Variants in ADGRB3 observed in about 807,000 individuals in gnomAD.
ADGRB3 encodes brain-specific angiogenesis inhibitor 3.
Under a neutral mutation model 193.4 loss-of-function variants are expected in ADGRB3, and 37 were observed. The ratio of observed to expected loss-of-function variants is 0.19; its 90% CI spans 0.15 to 0.25. ADGRB3 has a LOEUF of 0.25. Ranked by LOEUF, ADGRB3 falls within the 10% of genes least tolerant of loss-of-function variation. The probability of loss-of-function intolerance (pLI) is 1.00; values close to 1 mark genes in which losing one functional copy is unlikely to be tolerated. For missense variants in ADGRB3, 1,637 were observed against 1,852.9 expected, an observed-to-expected ratio of 0.88 and a Z score of 2.14; for synonymous variants, 690 against 644.2, an observed-to-expected ratio of 1.07 and a Z score of -1.08.
At chr6:69,140,882 C>T (rs1774317625) in intron 17 of ADGRB3, among the ~76,000 whole-genome samples, 2 of 152,024 alleles carry the variant, frequency 1.3e-5, no homozygotes, top group Admixed American at 1.3e-4. Flanking sequence ...CATTCATTTA[C>T]TCACTCAACA....
At chr6:69,143,356 G>A (rs905607693) in intron 17 of ADGRB3, among the ~76,000 whole-genome samples, 1 of 151,918 alleles carries the variant, frequency 6.6e-6, no homozygotes, top group African/African-American at 2.4e-5. Context: ...TTTACTAGTT[G>A]TTTACTTTGC....
intron 20 of ADGRB3, among the ~76,000 whole-genome samples, chr6:69,303,474 C>A (rs1767994638): frequency 6.6e-6 from 1 of 151,892 alleles, no homozygotes; most frequent in East Asian, 2.0e-4. Context: ...AGGATGAAGA[C>A]CTTTATGATG....
At chr6:68,840,531 G>A (rs73458284) in intron 3 of ADGRB3, among the ~76,000 whole-genome samples, 42,725 of 151,130 alleles carry the variant, frequency 0.28, 6,895 homozygotes, top group Middle Eastern at 0.51. Flanking sequence ...CAAGTAGCTC[G>A]GACAGCCTGC....
chr6:68,704,267 T>C (rs1765289712), intron 3 of ADGRB3, among the ~76,000 whole-genome samples: 1 of 152,188 alleles, frequency 6.6e-6, no homozygotes, highest in Non-Finnish European at 1.5e-5. Context: ...CTTTGTTGTT[T>C]TAACAGTTTT....
rs572651453 is a variant in ADGRB3 at position 68,955,309 on chromosome 6, A to G, written c.1196-715A>G. On this transcript the variant is annotated intron_variant, in intron 6 of 31. Coordinates refer to ENST00000370598, the MANE Select transcript of ADGRB3 (RefSeq NM_001704.3). ...TGAAACTATCCTTTGCAACACTGCC[A>G]TGTAATTGATTTATCTAGCATGTAA... Among the ~76,000 whole-genome samples the G allele has an allele frequency of 9.8e-4, 150 of 152,344 alleles. 2 individuals are homozygous for G. The highest frequency in any genetic ancestry group is 3.4e-3 in the African/African-American group (143 of 41,594).
chr6:69,216,184 T>G (rs778745256), intron 17 of ADGRB3, among the ~76,000 whole-genome samples: 30 of 152,160 alleles, frequency 2.0e-4, no homozygotes, highest in African/African-American at 7.2e-4. Flanking sequence ...GTTAAGTGGA[T>G]GGATGGATGA....
At chr6:68,985,424 TGTTA>T (rs1454937013) in intron 10 of ADGRB3, among the ~76,000 whole-genome samples, 14 of 152,296 alleles carry the variant, frequency 9.2e-5, no homozygotes, top group Admixed American at 6.5e-5. Context: ...GTAAAATGAC[TGTTA>T]GTTAGCATCA....
intron 3 of ADGRB3, among the ~76,000 whole-genome samples, chr6:68,643,717 A>AGCG (rs1226845720): frequency 6.6e-6 from 1 of 151,754 alleles, no homozygotes; most frequent in Non-Finnish European, 1.5e-5. Context: ...GTGGACCATG[A>AGCG]GGTCAGGACT....
intron 8 of ADGRB3, among the ~76,000 whole-genome samples, chr6:68,971,254 CTATT>C (rs1768559841): frequency 6.6e-6 from 1 of 152,118 alleles, no homozygotes; most frequent in African/African-American, 2.4e-5. Flanking sequence ...AGTATAGCAA[CTATT>C]TATATAGCAT....
At chr6:68,888,614 A>G (rs1036042812) in intron 3 of ADGRB3, among the ~76,000 whole-genome samples, 5 of 151,982 alleles carry the variant, frequency 3.3e-5, no homozygotes, top group Non-Finnish European at 7.4e-5. Flanking sequence ...TTCTAATGAA[A>G]GAGATTGGTA....
rs541783699 is a variant in ADGRB3, at chr6:68,891,716, A to C, written c.758-38843A>C. Among the ~76,000 whole-genome samples, 18 of 152,294 alleles carry C rather than the reference A, an allele frequency of 1.2e-4. No homozygotes were observed. The South Asian group carries it at 3.7e-3, about 32-fold the overall frequency. On this transcript the variant is annotated intron_variant, in intron 3 of 31. Coordinates refer to ENST00000370598, the MANE Select transcript of ADGRB3 (RefSeq NM_001704.3). ...CTTGAATTTAACCCACCTTCATAAT[A>C]GCTCTATGAAGTTGTTCAACTGGCT...
chr6:69,276,821 G>A (rs542499894), intron 20 of ADGRB3, among the ~76,000 whole-genome samples: 4 of 152,120 alleles, frequency 2.6e-5, no homozygotes, highest in South Asian at 2.1e-4. Flanking sequence ...TTGAGGTGAC[G>A]GATATGGATA....
intron 26 of ADGRB3, among the ~76,000 whole-genome samples, chr6:69,344,390 C>A (rs772071864): frequency 6.6e-6 from 1 of 152,138 alleles, no homozygotes; most frequent in Admixed American, 6.6e-5. Context: ...TTCCCTCTCC[C>A]ACTCGCACCC....
At chr6:68,910,381 C>A (rs1412359994) in intron 3 of ADGRB3, among the ~76,000 whole-genome samples, 3 of 152,038 alleles carry the variant, frequency 2.0e-5, no homozygotes, top group Non-Finnish European at 4.4e-5. Context: ...ATGGTAGTTT[C>A]TTTTGCTGTG....
chr6:69,345,509 G>A (rs1257416131), intron 26 of ADGRB3, among the ~76,000 whole-genome samples: 1 of 152,118 alleles, frequency 6.6e-6, no homozygotes, highest in African/African-American at 2.4e-5. Flanking sequence ...AAAACCACAT[G>A]ATTATCTCAA....
At chr6:69,000,951 G>A (rs1582384314) in intron 11 of ADGRB3, among the ~76,000 whole-genome samples, 1 of 152,204 alleles carries the variant, frequency 6.6e-6, no homozygotes, top group East Asian at 1.9e-4. Flanking sequence ...CACATAGTAA[G>A]TACCACATAA....
At chr6:68,980,537 A>G (rs978646937) in intron 10 of ADGRB3, among the ~76,000 whole-genome samples, 4 of 151,664 alleles carry the variant, frequency 2.6e-5, no homozygotes, top group Admixed American at 1.3e-4. Context: ...CTAAAAGACG[A>G]TAACACATTT....
intron 17 of ADGRB3, among the ~76,000 whole-genome samples, chr6:69,204,950 G>A (rs1765505388): frequency 6.6e-6 from 1 of 152,086 alleles, no homozygotes; most frequent in African/African-American, 2.4e-5. Context: ...TACTGTGCCT[G>A]TTAAGACATT....
chr6:68,933,240 T>C (rs977461287), intron 4 of ADGRB3, among the ~76,000 whole-genome samples: 10 of 152,122 alleles, frequency 6.6e-5, no homozygotes, highest in Non-Finnish European at 1.0e-4. Flanking sequence ...CAGTCTTTCA[T>C]TACCGTGAGG....
Sources: allele counts gnomAD v4.1 joint callset (sites outside exome capture counted in the v4.1 genomes callset), GRCh38; gene constraint gnomAD v4.1.1; transcripts MANE v1.5; gene names NCBI Gene and HGNC (gene_info 2026-07-23, HGNC 2026-07-21).